SIPA1L1: variants seen among roughly 807,000 people sequenced by gnomAD.
SIPA1L1 encodes signal-induced proliferation-associated 1-like protein 1.
In SIPA1L1, 26 loss-of-function variants were observed where a neutral mutation model predicts 162.7. The ratio of observed to expected loss-of-function variants is 0.16; its 90% confidence interval spans 0.12 to 0.22. The LOEUF (loss-of-function observed/expected upper bound fraction) is 0.22. SIPA1L1 is among the 10% of genes least tolerant of loss of function. The pLI is 1.00. For synonymous variants in SIPA1L1, 829 were observed against 837.4 expected, an observed-to-expected ratio of 0.99 and a Z score of 0.17; for missense variants, 1,874 against 2,241.0, an observed-to-expected ratio of 0.84 and a Z score of 3.31.
At chr14:71,438,074 C>G (rs1231140215) in intron 2 of SIPA1L1, among the ~76,000 whole-genome samples, 1 of 152,076 alleles carries the variant, frequency 6.6e-6, no homozygotes, top group African/African-American at 2.4e-5. Context: ...GATGTGAAAC[C>G]TTTTAGAAGT....
intron 14 of SIPA1L1, among the ~76,000 whole-genome samples, chr14:71,700,871 G>A (rs536511072): frequency 2.7e-4 from 41 of 151,704 alleles, no homozygotes; most frequent in South Asian, 1.7e-3. Context: ...GCGGGTGCCC[G>A]CAGTCCCAGC....
rs543119137 is a variant in SIPA1L1, at chr14:71,727,054, C to G, written c.4614+2219C>G. On this transcript the variant is annotated intron_variant, in intron 19 of 23. Transcript: ENST00000381232. ...TAATATTGAGTGGCAGGGTCACTCC[C>G]AGGCTCATTTGTCAGCAGAGCAAGG... is the stretch of plus-strand genomic sequence containing the variant. 1.1e-3 allele frequency among the ~76,000 whole-genome samples: 173 copies of G among 152,174 alleles called. 1 individual carries two copies. Among genetic ancestry groups the G allele is most frequent in the African/African-American group, 4.0e-3 (164 of 41,508 alleles).
chr14:71,710,509 G>T (rs995383608), intron 17 of SIPA1L1, among the ~76,000 whole-genome samples: 1 of 152,114 alleles, frequency 6.6e-6, no homozygotes, highest in Admixed American at 6.5e-5. Flanking sequence ...GATTATGACC[G>T]CAAGAAAAAT....
chr14:71,514,822 A>G (rs2051546442), intron 3 of SIPA1L1, among the ~76,000 whole-genome samples: 1 of 152,240 alleles, frequency 6.6e-6, no homozygotes, highest in Admixed American at 6.5e-5. Flanking sequence ...AAAACTAACC[A>G]TCACACCTAG....
At chr14:71,713,369 A>G (rs142319544) in intron 17 of SIPA1L1, among the ~76,000 whole-genome samples, 264 of 152,374 alleles carry the variant, frequency 1.7e-3, no homozygotes, top group Non-Finnish European at 3.4e-3. Context: ...GTATGAGAGC[A>G]TACATAGAGT....
chr14:71,480,868 G>A (rs1268144692), intron 2 of SIPA1L1, among the ~76,000 whole-genome samples: 2 of 152,146 alleles, frequency 1.3e-5, no homozygotes, highest in African/African-American at 4.8e-5. Flanking sequence ...TCAGTTTTGT[G>A]GAAATTCTGT....
chr14:71,589,061 A>G lies in SIPA1L1; in HGVS notation c.1189A>G (p.Ser397Gly), dbSNP rs565924631. The G allele has an allele frequency of 1.9e-6, 3 of 1,614,034 alleles. No homozygotes were observed. Among genetic ancestry groups the G allele is most frequent in the African/African-American group, 2.7e-5 (2 of 74,946 alleles). ...GSTEDLNSKG[S>G]LSMDQGDDKS... Reference sequence around the variant, plus strand: ...CACAGAGGACCTGAATTCCAAAGGAAGCCTCAGCATGGACCAGGGAGATGA... The same window carrying G: ...CACAGAGGACCTGAATTCCAAAGGAGGCCTCAGCATGGACCAGGGAGATGA... The change falls in exon 5 of 24, where the codon AGC becomes GGC. Residue 397 changes from serine (S) to glycine (G), a missense_variant. By Grantham distance (56) the Ser-to-Gly change is moderately conservative. Transcript: ENST00000381232.
At chr14:71,492,356 G>A (rs117002196) in intron 2 of SIPA1L1, among the ~76,000 whole-genome samples, 210 of 152,246 alleles carry the variant, frequency 1.4e-3, no homozygotes, top group Non-Finnish European at 2.5e-3. Flanking sequence ...TAAAGGGTCA[G>A]CTTGATGCCC....
chr14:71,328,153 A>C (rs1017716530), intron 2 of SIPA1L1, among the ~76,000 whole-genome samples: 2 of 152,250 alleles, frequency 1.3e-5, no homozygotes, highest in Admixed American at 1.3e-4. Context: ...AGCAAGGTAT[A>C]GTAAATTGCA....
At chr14:71,347,717 G>T (rs2036307884) in intron 2 of SIPA1L1, among the ~76,000 whole-genome samples, 1 of 152,168 alleles carries the variant, frequency 6.6e-6, no homozygotes, top group African/African-American at 2.4e-5. Flanking sequence ...CATAATAGGT[G>T]TGAATGACTT....
chr14:71,605,393 T>G (rs940204729), intron 5 of SIPA1L1, among the ~76,000 whole-genome samples: 7 of 152,238 alleles, frequency 4.6e-5, no homozygotes, highest in African/African-American at 7.2e-5. Context: ...GTTTGGGATC[T>G]GTTGCTGGAG....
At chr14:71,336,489 C>G (rs991940227) in intron 2 of SIPA1L1, among the ~76,000 whole-genome samples, 2 of 152,192 alleles carry the variant, frequency 1.3e-5, no homozygotes, top group African/African-American at 4.8e-5. Flanking sequence ...TGACTGGCTT[C>G]TTTCACCTAG....
chr14:71,628,786 A>T (rs746966978), intron 7 of SIPA1L1, among the ~76,000 whole-genome samples: 1 of 152,152 alleles, frequency 6.6e-6, no homozygotes, highest in African/African-American at 2.4e-5. Context: ...GGGGAAGAAG[A>T]TTTCATCAGG....
At chr14:71,612,367 TG>T (rs1465700436) in intron 5 of SIPA1L1, among the ~76,000 whole-genome samples, 1 of 152,208 alleles carries the variant, frequency 6.6e-6, no homozygotes, top group Non-Finnish European at 1.5e-5. Flanking sequence ...TTTTTTATAT[TG>T]GGTTAGGCAT....
chr14:71,738,185 A>C lies in SIPA1L1; in HGVS notation c.5124-56A>C, dbSNP rs947272474. 19 of 714,418 alleles carry C rather than the reference A, an allele frequency of 2.7e-5. No individual in the cohort carries two copies. In the African/African-American group the frequency reaches 2.7e-4, roughly 10 times the overall value. 44.3% of individuals were successfully genotyped at this position (714,418 alleles called of 1,614,324 possible). ...GTAAAAAAAAAAAAAAAAAAAAAAA[A>C]ACAAACCCAGCCATGGAGGCCCCTG... is the stretch of plus-strand genomic sequence containing the variant. On this transcript the variant is annotated intron_variant, in intron 22 of 23. Transcript: ENST00000381232.
intron 2 of SIPA1L1, among the ~76,000 whole-genome samples, chr14:71,465,112 A>C (rs1437439505): frequency 6.6e-6 from 1 of 152,148 alleles, no homozygotes; most frequent in Non-Finnish European, 1.5e-5. Context: ...TCTGGCAAAA[A>C]AGCTTCCTCA....
rs879190236 is a variant in SIPA1L1, at chr14:71,671,528, G to A, written c.2665G>A (p.Glu889Lys). Residue 889 changes from glutamate (E) to lysine (K), a missense_variant, in exon 11 of 24, where the codon GAA becomes AAA. Glu to Lys is a moderately conservative substitution (Grantham distance 56). Transcript: ENST00000381232. ...CTCCAATGAGTTCATTGTGCTCATT[G>A]AACAGGAAACAAAGAGCGTGGTCTT... ...GISNEFIVLI[E>K]QETKSVVFNC... 6.2e-7 allele frequency: 1 copy of A among 1,614,196 alleles called. No homozygotes were observed. Among genetic ancestry groups the A allele is most frequent in the South Asian group, 1.1e-5 (1 of 91,076 alleles).
intron 3 of SIPA1L1, among the ~76,000 whole-genome samples, chr14:71,515,685 C>G (rs1334362181): frequency 6.6e-6 from 1 of 151,990 alleles, no homozygotes; most frequent in African/African-American, 2.4e-5. Flanking sequence ...TACTCTGTCT[C>G]CCACGCTCTA....
chr14:71,672,696 C>A, intron 12 of SIPA1L1, 74 bp downstream of exon 12: 2 of 1,486,592 alleles, frequency 1.3e-6, no homozygotes, highest in Non-Finnish European at 1.8e-6. Flanking sequence ...CATCTCTTAG[C>A]AGGTAGTGGA....
Sources: allele counts gnomAD v4.1 joint callset (sites outside exome capture counted in the v4.1 genomes callset), GRCh38; gene constraint gnomAD v4.1.1; transcripts MANE v1.5; gene names NCBI Gene and HGNC (gene_info 2026-07-23, HGNC 2026-07-21).